Variants in SLC12A3 observed in about 807,000 individuals in gnomAD.
SLC12A3 encodes solute carrier family 12 member 3, also known as Na-Cl cotransporter.
In SLC12A3, 104 loss-of-function variants were observed where a neutral mutation model predicts 121.0. The ratio of observed to expected loss-of-function variants is 0.86; its 90% confidence interval spans 0.73 to 1.01. The LOEUF (loss-of-function observed/expected upper bound fraction) is 1.01, where lower values mean the gene tolerates loss of function less well. SLC12A3 is among the 50% of genes least tolerant of loss of function. SLC12A3 has a pLI of 0.00. For synonymous variants in SLC12A3, 536 were observed against 533.4 expected (o/e 1.00, Z -0.07); for missense variants, 1,328 against 1,356.3 (o/e 0.98, Z 0.33).
intron 19 of SLC12A3, among the ~76,000 whole-genome samples, chr16:56,890,981 A>C (rs1257869274): frequency 4.6e-5 from 7 of 151,998 alleles, no homozygotes; most frequent in Non-Finnish European, 8.8e-5. Flanking sequence ...CCAGAATATG[A>C]AAATACATAA....
In SLC12A3 at chr16:56,870,085, T is replaced by A. The variant is rs2055071198; in HGVS notation, c.602-11T>A. ...CATCTGGTTTCATGGTTCCCGGCTC[T>A]GCCCTGATAGGTGGCACCTACTTCC... On this transcript the variant is annotated splice_polypyrimidine_tract_variant and intron_variant, in intron 4 of 25. Coordinates refer to ENST00000563236, the MANE Select transcript of SLC12A3 (RefSeq NM_001126108.2). 1 of 1,612,320 alleles carries A rather than the reference T, an allele frequency of 6.2e-7. No individual in the cohort carries two copies. Among genetic ancestry groups the A allele is most frequent in the Non-Finnish European group, 8.5e-7 (1 of 1,180,038 alleles).
At chr16:56,902,321 T>C in intron 23 of SLC12A3, 52 bp from the exon 24 acceptor site, 1 of 1,612,428 alleles carries the variant, frequency 6.2e-7, no homozygotes, top group Non-Finnish European at 8.5e-7. Flanking sequence ...CTGGCACCCC[T>C]AGAAATGGGG....
At chr16:56,868,661 AG>A (rs1173456495) in intron 3 of SLC12A3, among the ~76,000 whole-genome samples, 14 of 152,320 alleles carry the variant, frequency 9.2e-5, no homozygotes, top group African/African-American at 3.4e-4. Flanking sequence ...CAAAGCGTGC[AG>A]GTTAGAAAGC....
intron 8 of SLC12A3, 52 bp from the exon 9 acceptor site, chr16:56,878,022 CCCT>C: frequency 1.5e-6 from 1 of 655,914 alleles, no homozygotes; most frequent in Non-Finnish European, 2.7e-6. Flanking sequence ...TGTCCTCCGT[CCCT>C]CCCTCCCTCT....
chr16:56,897,091 C>CA (rs55856347), intron 22 of SLC12A3, among the ~76,000 whole-genome samples: 46,318 of 140,118 alleles, frequency 0.33, 9,396 homozygotes, highest in African/African-American at 0.61. Context: ...GACTCCATCT[C>CA]AAAAAAAAAA....
In SLC12A3 at chr16:56,873,374, CTTTTTTTTTT is replaced by C. The variant is rs59478629; in HGVS notation, c.1095+608_1095+617del. Among the ~76,000 whole-genome samples the C allele has an allele frequency of 3.2e-4, 24 of 75,394 alleles. 1 individual carries two copies. Among genetic ancestry groups the C allele is most frequent in the African/African-American group, 8.9e-4 (17 of 19,070 alleles). 49.5% of individuals were successfully genotyped at this position (75,394 alleles called of 152,430 possible). A position where few individuals can be genotyped will look rare whatever the true frequency, so the allele number is the denominator to read the frequency against. ...AAGTCTGTTCTGTTTCTCTTTCTTT[CTTTTTTTTTT>C]TTTTTTTTTTTTTTTTTTTGAGATG... On this transcript the variant is annotated intron_variant, in intron 8 of 25. Coordinates refer to ENST00000563236, the MANE Select transcript of SLC12A3 (RefSeq NM_001126108.2).
At chr16:56,906,182 C>G (rs1459893832) in intron 25 of SLC12A3, among the ~76,000 whole-genome samples, 1 of 152,244 alleles carries the variant, frequency 6.6e-6, no homozygotes, top group African/African-American at 2.4e-5. Flanking sequence ...GCAACTCAAA[C>G]TATTTTCCCC....
chr16:56,869,664 G>T, intron 3 of SLC12A3, 65 bp from the exon 4 acceptor site: 1 of 1,311,036 alleles, frequency 7.6e-7, no homozygotes, highest in South Asian at 1.2e-5. Flanking sequence ...CATGGTGAAT[G>T]AGTAGGCAAA....
At chr16:56,886,872 C>T in intron 16 of SLC12A3, 81 bp from the exon 17 acceptor site, 1 of 1,588,274 alleles carries the variant, frequency 6.3e-7, no homozygotes, top group Non-Finnish European at 8.6e-7. Context: ...CCTGGGGCAG[C>T]CTCCAGGGCA....
intron 1 of SLC12A3, among the ~76,000 whole-genome samples, chr16:56,866,786 T>C (rs1662766016): frequency 6.6e-6 from 1 of 152,080 alleles, no homozygotes; most frequent in African/African-American, 2.4e-5. Context: ...TTTGTATTTC[T>C]TAGTAGAGAC....
At chr16:56,900,318 T>C (rs2055520608) in intron 23 of SLC12A3, among the ~76,000 whole-genome samples, 1 of 152,112 alleles carries the variant, frequency 6.6e-6, no homozygotes, top group African/African-American at 2.4e-5. Context: ...CCTCCAAGCA[T>C]GGCTGCAGGC....
chr16:56,904,631 G>T, intron 25 of SLC12A3, 169 bp downstream of exon 25: 1 of 659,690 alleles, frequency 1.5e-6, no homozygotes. Context: ...ATGTGGCTGG[G>T]CCTGAGCCCG....
chr16:56,912,846 G>C (rs573782415), intron 25 of SLC12A3, among the ~76,000 whole-genome samples: 1 of 152,178 alleles, frequency 6.6e-6, no homozygotes, highest in Non-Finnish European at 1.5e-5. Context: ...GCACTTGCCT[G>C]ACTCAAAGGA....
Position 56,891,371 on chromosome 16 carries a change from C to CAAA in SLC12A3, c.2369-692_2369-690dup, listed in dbSNP as rs35706137. On this transcript the variant is annotated intron_variant, in intron 19 of 25. Transcript: ENST00000563236. Reference sequence around the variant, plus strand: ...TGGCTGACAGAGCAAGACCCTGTCTCAAAAAAAAAAAAAAAAAAAAAAGGA... The same window carrying CAAA: ...TGGCTGACAGAGCAAGACCCTGTCTCAAAAAAAAAAAAAAAAAAAAAAAAAGGA... 4.2e-3 allele frequency among the ~76,000 whole-genome samples: 306 copies of CAAA among 73,616 alleles called. 4 individuals carry two copies. The highest frequency in any genetic ancestry group is 0.027 in the Admixed American group (151 of 5,596). 48.3% of individuals were successfully genotyped at this position (73,616 alleles called of 152,430 possible).
chr16:56,900,000 T>G (rs1488265070), intron 23 of SLC12A3, among the ~76,000 whole-genome samples: 1 of 152,242 alleles, frequency 6.6e-6, no homozygotes, highest in Non-Finnish European at 1.5e-5. Context: ...GACTGTTTGC[T>G]TTCCAAATGG....
At chr16:56,906,115 G>A (rs562424956) in intron 25 of SLC12A3, among the ~76,000 whole-genome samples, 21 of 152,252 alleles carry the variant, frequency 1.4e-4, no homozygotes, top group African/African-American at 5.1e-4. Flanking sequence ...AGGATCTAAG[G>A]ATATTAGATT....
In SLC12A3 at chr16:56,902,651, A is replaced by G. The variant is rs16963520; in HGVS notation, c.2856+143A>G. 135,619 of 1,026,142 alleles carry G rather than the reference A, an allele frequency of 0.13. 10,580 individuals carry two copies. The highest frequency in any genetic ancestry group is 0.29 in the African/African-American group (18,412 of 63,102). 63.6% of individuals were successfully genotyped at this position (1,026,142 alleles called of 1,614,324 possible). A position where few individuals can be genotyped will look rare whatever the true frequency, so the allele number is the denominator to read the frequency against. ...GGCCCCTGAGGTATCCTCAAGCCAC[A>G]GTCGTTCAGGCTGATGGGTAACCCG... On this transcript the variant is annotated intron_variant, in intron 24 of 25. Coordinates refer to ENST00000563236, the MANE Select transcript of SLC12A3 (RefSeq NM_001126108.2).
chr16:56,886,976 T>C lies in SLC12A3; in HGVS notation c.2061T>C (p.Pro687=). ...AGGGACCCCACAAGCAGAGGATGCC[T>C]GAGCTCCAGCTCATCGCCAACGGGC... ...VLIGPHKQRM[P]ELQLIANGHT... is the part of the protein sequence containing the mutation. The change falls in exon 17 of 26, where the codon CCT becomes CCC. Residue 687 remains proline (P), a synonymous_variant. Transcript: ENST00000563236. The C allele has an allele frequency of 6.2e-7, 1 of 1,606,498 alleles. No individual in the cohort carries two copies. The highest frequency in any genetic ancestry group is 8.5e-7 in the Non-Finnish European group (1 of 1,175,124).
At chr16:56,880,379 T>A (rs1309434262) in intron 12 of SLC12A3, 126 bp downstream of exon 12, 4 of 1,194,744 alleles carry the variant, frequency 3.3e-6, no homozygotes, top group Non-Finnish European at 4.7e-6. Flanking sequence ...TAGTGGGCAC[T>A]AAGAGGCTAA....
Sources: allele counts gnomAD v4.1 joint callset (sites outside exome capture counted in the v4.1 genomes callset), GRCh38; gene constraint gnomAD v4.1.1; transcripts MANE v1.5; gene names NCBI Gene and HGNC (gene_info 2026-07-23, HGNC 2026-07-21).